PRDM2: variants seen among roughly 807,000 people sequenced by gnomAD.
The protein encoded by PRDM2 is PR/SET domain 2, also known as PR domain zinc finger protein 2.
Under a neutral mutation model 130.0 loss-of-function variants are expected in PRDM2, and 30 were observed. That is an observed-to-expected ratio of 0.23 (90% CI 0.17 to 0.31). The LOEUF (loss-of-function observed/expected upper bound fraction) is 0.31, where lower values mean the gene tolerates loss of function less well. Ranked by LOEUF, PRDM2 falls within the 10% of genes least tolerant of loss-of-function variation. The pLI, the probability that PRDM2 is intolerant of heterozygous loss-of-function variation, is 1.00. For missense variants in PRDM2, 2,011 were observed against 2,108.4 expected, an observed-to-expected ratio of 0.95 and a Z score of 0.90; for synonymous variants, 871 against 782.4, an observed-to-expected ratio of 1.11 and a Z score of -1.89.
intron 6 of PRDM2, among the ~76,000 whole-genome samples, chr1:13,752,980 C>A (rs1390149840): frequency 6.6e-6 from 1 of 152,186 alleles, no homozygotes; most frequent in East Asian, 1.9e-4. Flanking sequence ...CTCCTTAGAA[C>A]ATGGCTGGCG....
Position 13,803,398 on chromosome 1 carries a change from G to A in PRDM2, c.5037-13029G>A, listed in dbSNP as rs1052107342. Among the ~76,000 whole-genome samples the A allele has an allele frequency of 1.6e-4, 24 of 152,252 alleles. No individual in the cohort carries two copies. The highest frequency in any genetic ancestry group is 3.9e-4 in the African/African-American group (16 of 41,528). ...AATAGACTCCAACCGTGCTCTCCTG[G>A]TGCTCCCAGTCCAGTGGGGGAGCCA... is the stretch of plus-strand genomic sequence containing the variant. On this transcript the variant is annotated intron_variant, in intron 8 of 9. Transcript: ENST00000311066. This position sits in a 1 kb window ranked among gnomAD's most constrained non-coding sequence, Gnocchi z 6.2.
chr1:13,737,248 G>A (rs1007941098), intron 4 of PRDM2, among the ~76,000 whole-genome samples: 2 of 152,172 alleles, frequency 1.3e-5, no homozygotes, highest in African/African-American at 4.8e-5. Flanking sequence ...GCTAAGAATG[G>A]TTTTTACATT....
chr1:13,778,468 G>A lies in PRDM2; in HGVS notation c.673G>A (p.Ala225Thr), dbSNP rs774564345. The change falls in exon 8 of 10, where the codon GCC (alanine) becomes ACC (threonine). Residue 225 changes from alanine to threonine, a missense_variant. Physicochemically the swap from Ala to Thr is moderately conservative, Grantham distance 58. Coordinates refer to ENST00000311066, the MANE Select transcript of PRDM2 (RefSeq NM_001393986.1). The stretch of plus-strand genomic sequence containing the variant: ...TTCAGCCTCAGCACTTGAGCAGCCG[G>A]CCACCCTCCAGGAGGTGGCCAGTCA... ...KPSASALEQP[A>T]TLQEVASQEV... 2.5e-6 allele frequency: 4 copies of A among 1,613,916 alleles called. No homozygotes were observed. The highest frequency in any genetic ancestry group is 2.7e-5 in the African/African-American group (2 of 75,008).
At chr1:13,790,689 T>A (rs1472004451) in intron 8 of PRDM2, among the ~76,000 whole-genome samples, 1 of 152,190 alleles carries the variant, frequency 6.6e-6, no homozygotes, top group Non-Finnish European at 1.5e-5. Flanking sequence ...AGAAGTTGAA[T>A]ACGGTTTGAG....
At chr1:13,752,295 A>C (rs190943194) in intron 6 of PRDM2, among the ~76,000 whole-genome samples, 154 of 152,354 alleles carry the variant, frequency 1.0e-3, no homozygotes, top group Non-Finnish European at 1.0e-3. Context: ...ATGGATATAC[A>C]TCAGCATTTT....
chr1:13,767,919 T>C (rs1040133065), intron 6 of PRDM2, among the ~76,000 whole-genome samples: 2 of 151,942 alleles, frequency 1.3e-5, no homozygotes, highest in African/African-American at 4.8e-5. Flanking sequence ...GAGGCTGCAG[T>C]GAATCGAGAT....
chr1:13,807,357 G>A (rs543246569), intron 8 of PRDM2, among the ~76,000 whole-genome samples: 1 of 152,344 alleles, frequency 6.6e-6, no homozygotes, highest in East Asian at 1.9e-4. Flanking sequence ...CAGCGGCTGG[G>A]GTGCTGGAGG....
At chr1:13,706,389 C>G (rs1642211806) in intron 1 of PRDM2, among the ~76,000 whole-genome samples, 2 of 152,192 alleles carry the variant, frequency 1.3e-5, no homozygotes, top group South Asian at 4.1e-4. Flanking sequence ...ATCCCAGGTG[C>G]TAAAGCTGCC....
Position 13,749,506 on chromosome 1 carries a change from G to A in PRDM2, c.511+19G>A. 1.7e-6 allele frequency: 2 copies of A among 1,209,172 alleles called. No homozygotes were observed. Among genetic ancestry groups the A allele is most frequent in the Non-Finnish European group, 1.1e-6 (1 of 926,682 alleles). 74.9% of individuals were successfully genotyped at this position (1,209,172 alleles called of 1,614,324 possible). A position where few individuals can be genotyped will look rare whatever the true frequency, so the allele number is the denominator to read the frequency against. ...CGGAAAGGTAGGAGCCCCCCGGCCC[G>A]CCCGCCCGGCCCCGGCGCCACGCCC... On this transcript the variant is annotated intron_variant, in intron 6 of 9. Coordinates refer to ENST00000311066, the MANE Select transcript of PRDM2 (RefSeq NM_001393986.1).
chr1:13,816,789 C>T (rs577442425), intron 9 of PRDM2, among the ~76,000 whole-genome samples: 14 of 152,226 alleles, frequency 9.2e-5, no homozygotes, highest in Non-Finnish European at 1.8e-4. Context: ...TGGCTACGAA[C>T]TTCAAGCAAG....
chr1:13,783,294 CACTT>C (rs1201361171), intron 8 of PRDM2: 2 of 383,148 alleles, frequency 5.2e-6, no homozygotes, highest in South Asian at 1.9e-5. Context: ...TAGTACCTGA[CACTT>C]TCTTTCAGAA....
At chr1:13,748,954 C>T (rs989421476) in intron 5 of PRDM2, among the ~76,000 whole-genome samples, 6 of 152,224 alleles carry the variant, frequency 3.9e-5, no homozygotes, top group Non-Finnish European at 8.8e-5. Context: ...CGTTGTCTTT[C>T]AGCACTCCGC....
chr1:13,811,853 G>C (rs1645178129), intron 8 of PRDM2, among the ~76,000 whole-genome samples: 1 of 152,256 alleles, frequency 6.6e-6, no homozygotes, highest in Admixed American at 6.5e-5. Context: ...TCTTTCAGGA[G>C]ACACTTAAGC....
chr1:13,763,351 A>C (rs531171480), intron 6 of PRDM2, among the ~76,000 whole-genome samples: 60 of 152,324 alleles, frequency 3.9e-4, no homozygotes, highest in African/African-American at 1.1e-3. Flanking sequence ...ATGGAATTGA[A>C]AGATGTCTAC....
At chr1:13,821,289 A>C (rs897889918) in intron 9 of PRDM2, among the ~76,000 whole-genome samples, 2 of 152,128 alleles carry the variant, frequency 1.3e-5, no homozygotes, top group African/African-American at 4.8e-5. Flanking sequence ...TATTATTATT[A>C]TTATTGAAAT....
At chr1:13,785,339 T>TA (rs1383016271) in intron 8 of PRDM2, among the ~76,000 whole-genome samples, 1 of 152,224 alleles carries the variant, frequency 6.6e-6, no homozygotes, top group African/African-American at 2.4e-5. Flanking sequence ...AGGGATTTCT[T>TA]ACAGAACAGG....
rs2473235 is a variant in PRDM2, at chr1:13,777,167, C to G, written c.623-1251C>G. Among the ~76,000 whole-genome samples the G allele has an allele frequency of 2.2e-3, 339 of 152,218 alleles. 1 individual carries two copies. The highest frequency in any genetic ancestry group is 7.0e-3 in the African/African-American group (290 of 41,540). On this transcript the variant is annotated intron_variant, in intron 7 of 9. Transcript: ENST00000311066. ...GCAGTTGCGTGGAATCTCCTCTTCTCTCTCACCACAGCCAGTCAGCAGGCA... is the reference window on the plus strand; with the variant it reads ...GCAGTTGCGTGGAATCTCCTCTTCTGTCTCACCACAGCCAGTCAGCAGGCA...
intron 6 of PRDM2, among the ~76,000 whole-genome samples, chr1:13,751,117 G>C (rs547660944): frequency 6.6e-6 from 1 of 151,866 alleles, no homozygotes; most frequent in Non-Finnish European, 1.5e-5. Context: ...TTGCTTTTTT[G>C]TTTATCTGTT....
intron 4 of PRDM2, among the ~76,000 whole-genome samples, chr1:13,741,398 A>AT (rs1429549929): frequency 1.1e-4 from 17 of 152,134 alleles, no homozygotes; most frequent in African/African-American, 4.1e-4. Flanking sequence ...TGGATGGAGT[A>AT]TGTTTTAAGG....
Sources: gnomAD v4.1 joint callset for allele counts (sites outside exome capture counted in the v4.1 genomes callset) on GRCh38, gnomAD v4.1.1 for gene constraint, Gnocchi (gnomAD v3.1) non-coding constraint, MANE v1.5 for transcripts, NCBI Gene and HGNC (gene_info 2026-07-23, HGNC 2026-07-21) for gene names.